Variants in PTPA observed in about 807,000 individuals in gnomAD.
PTPA encodes serine/threonine-protein phosphatase 2A activator.
In PTPA, 13 loss-of-function variants were observed where a neutral mutation model predicts 43.6. The ratio of observed to expected loss-of-function variants is 0.30; its 90% confidence interval spans 0.19 to 0.47. The LOEUF (loss-of-function observed/expected upper bound fraction) is 0.47. Among genes scored for constraint, PTPA ranks in the 20% least tolerant of loss-of-function variants. The pLI, the probability that PTPA is intolerant of heterozygous loss-of-function variation, is 0.99. For missense variants in PTPA, 329 were observed against 411.9 expected (o/e 0.80, Z 1.74); for synonymous variants, 172 against 158.2 (o/e 1.09, Z -0.66).
At chr9:129,121,459 T>A (rs542293617) in intron 2 of PTPA, among the ~76,000 whole-genome samples, 7 of 152,306 alleles carry the variant, frequency 4.6e-5, no homozygotes, top group Admixed American at 3.9e-4. Flanking sequence ...TTCACCAGGA[T>A]CAACAGTCCC....
chr9:129,143,465 C>T (rs1851050605), intron 9 of PTPA: 2 of 702,628 alleles, frequency 2.8e-6, no homozygotes, highest in Admixed American at 2.0e-5. Flanking sequence ...TGGGAAGGGG[C>T]TGCTCCAGGT....
chr9:129,142,692 T>A (rs1231373165), intron 9 of PTPA, 140 bp downstream of exon 9: 17 of 1,545,478 alleles, frequency 1.1e-5, no homozygotes, highest in Non-Finnish European at 1.5e-5. Flanking sequence ...CCAGCCCCTC[T>A]GACACTTGGG....
chr9:129,110,976 G>C (rs574322698), upstream of PTPA: 2 of 1,371,914 alleles, frequency 1.5e-6, no homozygotes, highest in African/African-American at 1.5e-5. This position sits in a 1 kb window ranked among gnomAD's most constrained non-coding sequence, Gnocchi z 5.3. Context: ...GAGGAAGGAG[G>C]AGGTCACCGT....
At chr9:129,143,520 G>A in intron 9 of PTPA, 2 of 690,762 alleles carry the variant, frequency 2.9e-6, no homozygotes, top group Non-Finnish European at 5.3e-6. Context: ...GCAGAGGCGG[G>A]ACAACGGGGA....
chr9:129,142,966 C>T lies in PTPA; in HGVS notation c.894+414C>T, dbSNP rs2131625313. 6 of 1,385,440 alleles carry T rather than the reference C, an allele frequency of 4.3e-6. No individual in the cohort carries two copies. The South Asian group carries it at 7.6e-5, about 18-fold the overall frequency. 85.8% of individuals were successfully genotyped at this position (1,385,440 alleles called of 1,614,324 possible). On this transcript the variant is annotated intron_variant, in intron 9 of 9. Transcript: ENST00000393370. Reference sequence around the variant, plus strand: ...TTTGGAGGCATCTCCAAAGTGCTGCCTTCAAATGTTAGTGTGTATGATCAC... The same window carrying T: ...TTTGGAGGCATCTCCAAAGTGCTGCTTTCAAATGTTAGTGTGTATGATCAC...
chr9:129,142,338 T>TTGTGTGTGTGCGTGTGCGTTTG (rs1850929818), intron 8 of PTPA, 107 bp from the exon 9 acceptor site: 2 of 753,052 alleles, frequency 2.7e-6, no homozygotes, highest in African/African-American at 3.6e-5. Flanking sequence ...GCGTGTGCGT[T>TTGTGTGTGTGCGTGTGCGTTTG]TGTGTGTGTG....
chr9:129,146,601 C>T (rs1278528628), intron 9 of PTPA, among the ~76,000 whole-genome samples: 1 of 152,208 alleles, frequency 6.6e-6, no homozygotes, highest in South Asian at 2.1e-4. Flanking sequence ...ATCCAACCCT[C>T]GCATGCCCAG....
In PTPA at chr9:129,120,496, C is replaced by A; in HGVS notation, c.32-17C>A. ...GATTCTATTTATCTGTTTGTTTTTT[C>A]ATTTTTTTTTGTCAAGATTCTTCAG... On this transcript the variant is annotated splice_polypyrimidine_tract_variant and intron_variant, in intron 1 of 9. Coordinates refer to ENST00000393370, the MANE Select transcript of PTPA (RefSeq NM_178000.3). The A allele has an allele frequency of 6.3e-7, 1 of 1,579,130 alleles. No individual in the cohort carries two copies. The highest frequency in any genetic ancestry group is 1.1e-5 in the South Asian group (1 of 89,142).
At chr9:129,118,671 C>T (rs116602487) in intron 1 of PTPA, among the ~76,000 whole-genome samples, 7,986 of 151,920 alleles carry the variant, frequency 0.053, 675 homozygotes, top group African/African-American at 0.18. Context: ...CACCGCGCCC[C>T]GCCTAAAATT....
At chr9:129,119,171 AT>A (rs990249871) in intron 1 of PTPA, 8 of 160,022 alleles carry the variant, frequency 5.0e-5, no homozygotes, top group South Asian at 4.1e-4. Context: ...TAATTTTTAA[AT>A]TTTTTTTGTA....
intron 9 of PTPA, among the ~76,000 whole-genome samples, chr9:129,145,777 C>T (rs1851257435): frequency 6.6e-6 from 1 of 152,182 alleles, no homozygotes; most frequent in East Asian, 1.9e-4. Context: ...TGGGTGCTGC[C>T]TTCAGAAGGA....
At chr9:129,133,980 T>C (rs965959750) in intron 5 of PTPA, among the ~76,000 whole-genome samples, 6 of 152,244 alleles carry the variant, frequency 3.9e-5, no homozygotes. Flanking sequence ...TGTTACTTCC[T>C]TAGGGGAAAC....
At chr9:129,120,469 A>G (rs981669276) in intron 1 of PTPA, 44 bp from the exon 2 acceptor site, 7 of 1,283,980 alleles carry the variant, frequency 5.5e-6, no homozygotes. Flanking sequence ...GTTGTAGGGG[A>G]GGATTCTATT....
chr9:129,133,789 C>T (rs369067080), intron 5 of PTPA, among the ~76,000 whole-genome samples: 4 of 152,370 alleles, frequency 2.6e-5, no homozygotes, highest in African/African-American at 9.6e-5. Context: ...CCTGTCATTA[C>T]ACGTTCTCCC....
chr9:129,129,077 G>T lies in PTPA; in HGVS notation c.309G>T (p.Lys103Asn). 1 of 1,612,564 alleles carries T rather than the reference G, an allele frequency of 6.2e-7. No homozygotes were observed. Among genetic ancestry groups the T allele is most frequent in the South Asian group, 1.1e-5 (1 of 91,002 alleles). Residue 103 changes from lysine (K) to asparagine (N), a missense_variant, in exon 4 of 10, where the codon AAG (lysine) becomes AAT (asparagine). Coordinates refer to ENST00000393370, the MANE Select transcript of PTPA (RefSeq NM_178000.3). The stretch of plus-strand genomic sequence containing the variant: ...ACCAGCCCTCTCGGTTTGGGAATAA[G>T]GCATACAGGACCTGGTATGCCAAAC... ...PVDQPSRFGN[K>N]AYRTWYAKLD... is the part of the protein sequence containing the mutation.
At chr9:129,112,787 C>T (rs963695656) in intron 1 of PTPA, among the ~76,000 whole-genome samples, 6 of 152,016 alleles carry the variant, frequency 3.9e-5, no homozygotes, top group Non-Finnish European at 8.8e-5. Context: ...TCTAAAAATA[C>T]AAAATTAGCC....
At chr9:129,144,051 C>G (rs940983102) in intron 9 of PTPA, among the ~76,000 whole-genome samples, 7 of 151,660 alleles carry the variant, frequency 4.6e-5, no homozygotes, top group Non-Finnish European at 1.0e-4. Flanking sequence ...CTCTACAAGC[C>G]TCTTAATTCA....
At chr9:129,116,961 CTGG>C (rs1848918829) in intron 1 of PTPA, among the ~76,000 whole-genome samples, 1 of 152,168 alleles carries the variant, frequency 6.6e-6, no homozygotes, top group Non-Finnish European at 1.5e-5. Context: ...GCCACTGTGC[CTGG>C]TCTAGATTTT....
upstream of PTPA, chr9:129,111,224 C>A: frequency 8.8e-7 from 1 of 1,133,066 alleles, no homozygotes; most frequent in Non-Finnish European, 1.1e-6. Context: ...CTGAGCACAA[C>A]CCAAACTTGA....
Sources: allele counts gnomAD v4.1 joint callset (sites outside exome capture counted in the v4.1 genomes callset), GRCh38; gene constraint gnomAD v4.1.1; non-coding constraint Gnocchi (gnomAD v3.1); transcripts MANE v1.5; gene names NCBI Gene and HGNC (gene_info 2026-07-23, HGNC 2026-07-21).